The following DOCK7 variants were observed in gnomAD, a reference collection of about 807,000 sequenced individuals.
DOCK7 encodes the protein dedicator of cytokinesis protein 7.
In DOCK7, 138 loss-of-function variants were observed where a neutral mutation model predicts 271.0. The ratio of observed to expected loss-of-function variants is 0.51; its 90% confidence interval spans 0.44 to 0.59. The LOEUF (loss-of-function observed/expected upper bound fraction) is 0.59, where lower values mean the gene tolerates loss of function less well. DOCK7 is among the 20% of genes least tolerant of loss of function. DOCK7 has a pLI of 0.00. For synonymous variants in DOCK7, 823 were observed against 876.1 expected, an observed-to-expected ratio of 0.94 and a Z score of 1.07; for missense variants, 2,066 against 2,592.4, an observed-to-expected ratio of 0.80 and a Z score of 4.41.
intron 21 of DOCK7, among the ~76,000 whole-genome samples, chr1:62,553,352 ATATTTTTTTTTTTTTTTTTTTTTTTTT>A (rs1646015993): frequency 1.1e-4 from 1 of 9,414 alleles, no homozygotes; most frequent in Non-Finnish European, 1.8e-4. Flanking sequence ...ATATATATAT[ATATTTTTTTTTTTTTTTTTTTTTTTTT>A]TTTTTTAATA....
rs372375810 is a variant in DOCK7 at position 62,490,341 on chromosome 1, T to A, written c.5362-1276A>T. On this transcript the variant is annotated intron_variant, in intron 41 of 49. Transcript: ENST00000635253. Reference sequence around the variant, plus strand: ...CCCACCTTGCACAGTAATCCTAGGATTACTATGCAACCTCCCAAAGCACTG... The same window carrying A: ...CCCACCTTGCACAGTAATCCTAGGAATACTATGCAACCTCCCAAAGCACTG... Among the ~76,000 whole-genome samples, 26 of 152,130 alleles carry A rather than the reference T, an allele frequency of 1.7e-4. No individual in the cohort carries two copies. The South Asian group carries it at 5.4e-3, about 32-fold the overall frequency.
intron 14 of DOCK7, among the ~76,000 whole-genome samples, chr1:62,594,649 C>T (rs576785654): frequency 2.0e-5 from 3 of 152,204 alleles, no homozygotes; most frequent in Non-Finnish European, 2.9e-5. Flanking sequence ...AACACTACTA[C>T]GTATACATTC....
chr1:62,501,910 AAACTATAATGTATCAAATTACAC>A (rs1314393320), intron 37 of DOCK7, among the ~76,000 whole-genome samples: 1 of 152,142 alleles, frequency 6.6e-6, no homozygotes. Flanking sequence ...TAGCTTAAAT[AAACTATAATGTATCAAATTACAC>A]AAATAAATTA....
chr1:62,651,332 G>T (rs1657333298), intron 4 of DOCK7, among the ~76,000 whole-genome samples: 1 of 147,988 alleles, frequency 6.8e-6, no homozygotes, highest in African/African-American at 2.5e-5. Context: ...GATAGCATTA[G>T]GAGATATACC....
intron 22 of DOCK7, among the ~76,000 whole-genome samples, chr1:62,550,090 C>T (rs1164538502): frequency 6.6e-6 from 1 of 152,096 alleles, no homozygotes. Context: ...ACTTAGATTG[C>T]TTTCAAATGA....
chr1:62,682,384 A>G (rs1345984654), intron 1 of DOCK7, among the ~76,000 whole-genome samples: 2 of 152,214 alleles, frequency 1.3e-5, no homozygotes, highest in East Asian at 1.9e-4. Flanking sequence ...AGGATGTCCA[A>G]CGCAGCTTGG....
chr1:62,465,018 C>T lies in DOCK7; in HGVS notation c.6213-7313G>A, dbSNP rs553281589. Among the ~76,000 whole-genome samples the T allele has an allele frequency of 5.6e-4, 85 of 152,154 alleles. 4 individuals are homozygous for T. The highest frequency in any genetic ancestry group is 2.9e-5 in the Non-Finnish European group (2 of 68,030). On this transcript the variant is annotated intron_variant, in intron 48 of 49. Transcript: ENST00000635253. ...TATACAAAACTTACCCACATAAACA[C>T]GGACCCTGCATGGCACCATTTGTAG... is the stretch of plus-strand genomic sequence containing the variant.
chr1:62,595,422 A>G (rs1218999417), intron 14 of DOCK7, among the ~76,000 whole-genome samples: 2 of 152,196 alleles, frequency 1.3e-5, no homozygotes, highest in East Asian at 3.8e-4. Context: ...ATGAGAAAAC[A>G]GGGGTTCAGA....
At chr1:62,516,776 A>T (rs993143269) in intron 31 of DOCK7, 2 of 152,376 alleles carry the variant, frequency 1.3e-5, no homozygotes, top group Non-Finnish European at 2.9e-5. Context: ...CCACACACAT[A>T]GCTCTTTATA....
chr1:62,503,013 T>C (rs1353266711), intron 37 of DOCK7, among the ~76,000 whole-genome samples: 3 of 152,090 alleles, frequency 2.0e-5, no homozygotes, highest in Admixed American at 1.3e-4. Context: ...CCATAAGAGA[T>C]GAAATTCAGG....
At chr1:62,674,243 C>T (rs952426036) in intron 1 of DOCK7, among the ~76,000 whole-genome samples, 1 of 152,034 alleles carries the variant, frequency 6.6e-6, no homozygotes. Flanking sequence ...AAAAGAGGTA[C>T]AAGACCTTTA....
chr1:62,597,476 C>A (rs1351937029), intron 14 of DOCK7: 1 of 1,409,554 alleles, frequency 7.1e-7, no homozygotes, highest in East Asian at 2.4e-5. Context: ...CTTTTCTGGG[C>A]AAATATTGGT....
At chr1:62,475,121 A>ATCTGACTTAACAATTATT in intron 47 of DOCK7, 87 bp downstream of exon 47, 1 of 1,409,300 alleles carries the variant, frequency 7.1e-7, no homozygotes, top group Non-Finnish European at 9.4e-7. Context: ...GATCCTTTTC[A>ATCTGACTTAACAATTATT]TCTGACTTAA....
At chr1:62,679,276 G>T (rs1473989279) in intron 1 of DOCK7, among the ~76,000 whole-genome samples, 1 of 151,226 alleles carries the variant, frequency 6.6e-6, no homozygotes, top group Non-Finnish European at 1.5e-5. Flanking sequence ...AAAAAGACTG[G>T]TAAGTTAAAC....
At chr1:62,506,431 C>G (rs528604445) in intron 35 of DOCK7, among the ~76,000 whole-genome samples, 1 of 151,644 alleles carries the variant, frequency 6.6e-6, no homozygotes, top group Non-Finnish European at 1.5e-5. Context: ...TAAATTTTTT[C>G]TATTTTTAAA....
chr1:62,632,445 G>A (rs1357423247), intron 10 of DOCK7, among the ~76,000 whole-genome samples: 1 of 152,068 alleles, frequency 6.6e-6, no homozygotes, highest in Non-Finnish European at 1.5e-5. Context: ...AATATCATGT[G>A]CTCAGATCTA....
intron 43 of DOCK7, among the ~76,000 whole-genome samples, chr1:62,479,375 G>C (rs150224107): frequency 2.0e-5 from 3 of 151,974 alleles, no homozygotes; most frequent in African/African-American, 4.8e-5. Flanking sequence ...GAAAGTTGAG[G>C]CTTCTAATTT....
At chr1:62,511,547 T>G (rs1478072466) in intron 33 of DOCK7, among the ~76,000 whole-genome samples, 3 of 152,166 alleles carry the variant, frequency 2.0e-5, no homozygotes, top group Non-Finnish European at 4.4e-5. Flanking sequence ...CAAATATAAA[T>G]TTTTAAAAAT....
intron 1 of DOCK7, among the ~76,000 whole-genome samples, chr1:62,681,876 C>G (rs1011394914): frequency 6.6e-5 from 10 of 152,094 alleles, no homozygotes; most frequent in African/African-American, 2.4e-4. Context: ...CAATACGATT[C>G]CACCCGAATG....
Sources: allele counts gnomAD v4.1 joint callset (sites outside exome capture counted in the v4.1 genomes callset), GRCh38; gene constraint gnomAD v4.1.1; transcripts MANE v1.5; gene names NCBI Gene and HGNC (gene_info 2026-07-23, HGNC 2026-07-21).